TXNL1: variants seen among roughly 807,000 people sequenced by gnomAD.
TXNL1 encodes thioredoxin like 1, also known as thioredoxin-like protein 1.
TXNL1 carries 14 observed loss-of-function variants against 35.5 expected under a neutral mutation model. That is an observed-to-expected ratio of 0.39 (90% CI 0.26 to 0.62). The LOEUF (loss-of-function observed/expected upper bound fraction) is 0.62, where lower values mean the gene tolerates loss of function less well. Among genes scored for constraint, TXNL1 ranks in the 20% least tolerant of loss-of-function variants. The pLI, the probability that TXNL1 is intolerant of heterozygous loss-of-function variation, is 0.47. For missense variants in TXNL1, 263 were observed against 349.7 expected (o/e 0.75, Z 1.98); for synonymous variants, 110 against 115.5 (o/e 0.95, Z 0.31).
At chr18:56,623,305 G>A (rs923794723) in intron 3 of TXNL1, among the ~76,000 whole-genome samples, 4 of 151,984 alleles carry the variant, frequency 2.6e-5, no homozygotes, top group Non-Finnish European at 4.4e-5. Context: ...GCAGGTGCCT[G>A]TAATCCCAGC....
chr18:56,634,067 T>C (rs1326337030), intron 1 of TXNL1, among the ~76,000 whole-genome samples: 4 of 150,256 alleles, frequency 2.7e-5, no homozygotes, highest in Non-Finnish European at 5.9e-5. Context: ...AACGACACAA[T>C]GTATATTCTT....
chr18:56,635,294 A>G (rs528442786), intron 1 of TXNL1, among the ~76,000 whole-genome samples: 73 of 152,272 alleles, frequency 4.8e-4, no homozygotes, highest in Non-Finnish European at 8.5e-4. Context: ...GCAAGTAAGC[A>G]GGGATCCCCG....
At chr18:56,634,465 TAAAC>T (rs1214434108) in intron 1 of TXNL1, among the ~76,000 whole-genome samples, 2 of 152,210 alleles carry the variant, frequency 1.3e-5, no homozygotes, top group African/African-American at 2.4e-5. Context: ...TATAAGAGCT[TAAAC>T]AAGTTCCTTA....
rs77683217 is a variant in TXNL1, at chr18:56,636,220, G to A, written c.98+2123C>T. ...AGACTGAGAGTGCATAAAGCATAGA[G>A]GTTAAAAAAAAAGAAAAAAGGTTTA... On this transcript the variant is annotated intron_variant, in intron 1 of 7. Transcript: ENST00000217515. Among the ~76,000 whole-genome samples, 448 of 151,806 alleles carry A rather than the reference G, an allele frequency of 3.0e-3. 7 individuals are homozygous for A. The East Asian group carries it at 0.04, about 13-fold the overall frequency.
At chr18:56,617,364 C>G (rs747680414) in intron 4 of TXNL1, among the ~76,000 whole-genome samples, 2 of 152,118 alleles carry the variant, frequency 1.3e-5, no homozygotes, top group Non-Finnish European at 2.9e-5. Flanking sequence ...CCTCCTAAAG[C>G]CAGTGAAGAG....
chr18:56,610,347 T>C (rs1030631692), intron 7 of TXNL1: 3 of 152,302 alleles, frequency 2.0e-5, no homozygotes, highest in Non-Finnish European at 4.4e-5. Flanking sequence ...TCCAGTAATG[T>C]ACAGAAGGAA....
At chr18:56,632,901 T>C (rs2024397090) in intron 1 of TXNL1, among the ~76,000 whole-genome samples, 1 of 152,232 alleles carries the variant, frequency 6.6e-6, no homozygotes, top group Admixed American at 6.5e-5. Context: ...TATGGACTAC[T>C]GGGCCTGCTT....
chr18:56,618,204 T>G, intron 3 of TXNL1, 78 bp from the exon 4 acceptor site: 1 of 1,451,020 alleles, frequency 6.9e-7, no homozygotes, highest in Non-Finnish European at 9.4e-7. Flanking sequence ...AATCTCTGAT[T>G]CTCTTTAGGC....
intron 3 of TXNL1, among the ~76,000 whole-genome samples, chr18:56,623,694 G>A (rs1021845363): frequency 1.3e-5 from 2 of 151,846 alleles, no homozygotes; most frequent in African/African-American, 4.8e-5. Context: ...CTATCCTTTA[G>A]ATTCTTAAGT....
chr18:56,624,021 T>C (rs552613730), intron 3 of TXNL1, among the ~76,000 whole-genome samples: 1 of 152,260 alleles, frequency 6.6e-6, no homozygotes, highest in African/African-American at 2.4e-5. Flanking sequence ...GCTATTAAAA[T>C]AGTTCAGAAA....
At chr18:56,637,322 C>T (rs1267928603) in intron 1 of TXNL1, among the ~76,000 whole-genome samples, 1 of 152,100 alleles carries the variant, frequency 6.6e-6, no homozygotes, top group African/African-American at 2.4e-5. Flanking sequence ...AAGTGTGTTA[C>T]ATAAACAGTG....
chr18:56,600,671 G>A lies in TXNL1; in HGVS notation c.*2356C>T, dbSNP rs916989410. On this transcript the variant is annotated 3_prime_UTR_variant, in exon 8 of 8. Coordinates refer to ENST00000217515, the MANE Select transcript of TXNL1 (RefSeq NM_004786.3). ...GTATATTGAGACTGGGGAACAACGTGGGGCAGGTTTCAACTCTAATTGTTA... is the reference window on the plus strand; with the variant it reads ...GTATATTGAGACTGGGGAACAACGTAGGGCAGGTTTCAACTCTAATTGTTA... 6.6e-6 allele frequency: 1 copy of A among 151,272 alleles called. No homozygotes were observed. Among genetic ancestry groups the A allele is most frequent in the African/African-American group, 2.4e-5 (1 of 41,044 alleles). The allele number at this position is 151,272 out of a possible 1,614,324, so 9.4% of individuals were successfully genotyped here.
At chr18:56,618,240 C>T in intron 3 of TXNL1, 114 bp from the exon 4 acceptor site, 3 of 1,160,708 alleles carry the variant, frequency 2.6e-6, no homozygotes, top group Non-Finnish European at 3.6e-6. Flanking sequence ...ACTTTTAAAA[C>T]AGTTCATAAA....
At chr18:56,636,444 G>C (rs1402711070) in intron 1 of TXNL1, among the ~76,000 whole-genome samples, 4 of 152,054 alleles carry the variant, frequency 2.6e-5, no homozygotes. Context: ...TGTATTAATG[G>C]CCAATAAGTT....
chr18:56,615,227 A>G (rs2024064839), intron 5 of TXNL1, among the ~76,000 whole-genome samples: 1 of 152,170 alleles, frequency 6.6e-6, no homozygotes, highest in Non-Finnish European at 1.5e-5. Flanking sequence ...TGAAGAAGGA[A>G]AAGTAAGACT....
chr18:56,632,622 T>C (rs1369922246), intron 1 of TXNL1, among the ~76,000 whole-genome samples: 1 of 152,218 alleles, frequency 6.6e-6, no homozygotes, highest in Non-Finnish European at 1.5e-5. Flanking sequence ...TTAACACTCT[T>C]GAAAGGTAGC....
At chr18:56,636,386 G>A (rs944817423) in intron 1 of TXNL1, among the ~76,000 whole-genome samples, 5 of 152,050 alleles carry the variant, frequency 3.3e-5, no homozygotes, top group East Asian at 3.9e-4. Flanking sequence ...ATACTGACCC[G>A]TCATATACAT....
At chr18:56,616,380 G>T in intron 4 of TXNL1, 66 bp from the exon 5 acceptor site, 1 of 1,380,290 alleles carries the variant, frequency 7.2e-7, no homozygotes, top group Non-Finnish European at 1.0e-6. Flanking sequence ...AACTACTGAA[G>T]CAGAATGAAA....
At position 56,626,427 on chromosome 18, in the gene TXNL1, T is replaced by C. The variant is rs14387; in HGVS notation, c.129A>G (p.Ala43=). 58,185 of 1,613,134 alleles carry C rather than the reference T, an allele frequency of 0.036. 3,278 individuals carry two copies. The highest frequency in any genetic ancestry group is 0.25 in the African/African-American group (18,656 of 74,860). ...GATATTTATTACTCATAGAACTGAA[T>C]GCTGGGGCAATCCTCAAACATGGCC... ...GCGPCLRIAP[A]FSSMSNKYPQ... The change falls in exon 2 of 8, where the codon GCA becomes GCG. Residue 43 remains alanine, a synonymous_variant. Transcript: ENST00000217515.
Sources: allele counts gnomAD v4.1 joint callset (sites outside exome capture counted in the v4.1 genomes callset), GRCh38; gene constraint gnomAD v4.1.1; transcripts MANE v1.5; gene names NCBI Gene and HGNC (gene_info 2026-07-23, HGNC 2026-07-21).